The following TENM3 variants were observed in gnomAD, a reference collection of about 807,000 sequenced individuals.
TENM3 encodes the protein teneurin transmembrane protein 3, also known as teneurin-3.
TENM3 carries 63 observed loss-of-function variants against 255.1 expected under a neutral mutation model. That is an observed-to-expected ratio of 0.25 (90% confidence interval 0.20 to 0.30). The LOEUF is 0.30. Ranked by LOEUF, TENM3 falls within the 10% of genes least tolerant of loss-of-function variation. TENM3 has a pLI of 1.00. For synonymous variants in TENM3, 1,306 were observed against 1,322.3 expected, an observed-to-expected ratio of 0.99 and a Z score of 0.27; for missense variants, 2,929 against 3,461.1, an observed-to-expected ratio of 0.85 and a Z score of 3.86.
At chr4:182,443,240 A>G (rs1415642028) in intron 3 of TENM3, among the ~76,000 whole-genome samples, 1 of 152,064 alleles carries the variant, frequency 6.6e-6, no homozygotes, top group Non-Finnish European at 1.5e-5. Context: ...GAACCCCAAT[A>G]AGTTGCCAAG....
At chr4:182,718,911 A>G (rs151185197) in intron 13 of TENM3, among the ~76,000 whole-genome samples, 39 of 152,318 alleles carry the variant, frequency 2.6e-4, no homozygotes, top group African/African-American at 8.7e-4. Context: ...CGCCAGAGAT[A>G]ATTCTGTCTC....
chr4:182,741,189 T>G (rs79042902), intron 18 of TENM3, among the ~76,000 whole-genome samples: 8,451 of 152,178 alleles, frequency 0.056, 396 homozygotes, highest in Admixed American at 0.13. Flanking sequence ...AATAAATAAA[T>G]AAAAGAAAAT....
chr4:182,477,172 T>G (rs1733754715), intron 3 of TENM3, among the ~76,000 whole-genome samples: 1 of 152,230 alleles, frequency 6.6e-6, no homozygotes, highest in African/African-American at 2.4e-5. Flanking sequence ...TCCATTTTCT[T>G]CAAAATCTAC....
At chr4:182,575,710 C>G (rs1158711412) in intron 3 of TENM3, among the ~76,000 whole-genome samples, 3 of 152,108 alleles carry the variant, frequency 2.0e-5, no homozygotes, top group African/African-American at 7.2e-5. Context: ...AAAAGCACCA[C>G]TTTGGTATCA....
intron 3 of TENM3, among the ~76,000 whole-genome samples, chr4:182,584,893 C>T (rs965359421): frequency 3.3e-5 from 5 of 152,218 alleles, no homozygotes; most frequent in African/African-American, 9.6e-5. Flanking sequence ...CCACCCACCT[C>T]GGCCTCCCAA....
At chr4:181,457,654 G>A in the TENM3 span, among the ~76,000 whole-genome samples, 9 of 151,820 alleles carry the variant, frequency 5.9e-5, no homozygotes, top group African/African-American at 2.2e-4. Flanking sequence ...GGAAGACATG[G>A]TAGATAGTCT....
chr4:182,746,499 G>A (rs571020041), intron 19 of TENM3, among the ~76,000 whole-genome samples: 66 of 152,308 alleles, frequency 4.3e-4, no homozygotes, highest in South Asian at 1.9e-3. Flanking sequence ...GTAATCACGA[G>A]AGATACAGGC....
At chr4:182,582,956 A>G (rs1034954043) in intron 3 of TENM3, among the ~76,000 whole-genome samples, 59 of 152,342 alleles carry the variant, frequency 3.9e-4, no homozygotes, top group African/African-American at 1.3e-3. Context: ...CTAGGAGCAG[A>G]TAAGTAGCCT....
Position 182,800,455 on chromosome 4 carries a change from A to G in TENM3, c.*104A>G. On this transcript the variant is annotated 3_prime_UTR_variant, in exon 28 of 28. Coordinates refer to ENST00000511685, the MANE Select transcript of TENM3 (RefSeq NM_001080477.4). ...GCCCAAGAGCCTTCCTCCCGGGGGAATGAGACTGCTGTTACGACCCACACC... is the reference window on the plus strand; with the variant it reads ...GCCCAAGAGCCTTCCTCCCGGGGGAGTGAGACTGCTGTTACGACCCACACC... 3 of 1,360,690 alleles carry G rather than the reference A, an allele frequency of 2.2e-6. No homozygotes were observed. Among genetic ancestry groups the G allele is most frequent in the South Asian group, 2.9e-5 (2 of 68,792 alleles). 84.3% of individuals were successfully genotyped at this position (1,360,690 alleles called of 1,614,324 possible). A position where few individuals can be genotyped will look rare whatever the true frequency, so the allele number is the denominator to read the frequency against.
At chr4:181,706,647 G>GA in the TENM3 span, among the ~76,000 whole-genome samples, 3 of 151,862 alleles carry the variant, frequency 2.0e-5, no homozygotes, top group Non-Finnish European at 4.4e-5. Flanking sequence ...GATAAACTAG[G>GA]AAAAAAAACA....
chr4:182,438,529 G>GT (rs1388833193), intron 3 of TENM3, among the ~76,000 whole-genome samples: 17 of 151,520 alleles, frequency 1.1e-4, no homozygotes, highest in South Asian at 8.3e-4. Flanking sequence ...AAACTGACTT[G>GT]TTTTTTTTCC....
At chr4:182,588,621 C>G (rs1283536384) in intron 3 of TENM3, among the ~76,000 whole-genome samples, 11 of 152,070 alleles carry the variant, frequency 7.2e-5, no homozygotes, top group Admixed American at 6.5e-4. Flanking sequence ...TTTGCTTACT[C>G]TCTCAGGTAA....
intron 1 of TENM3, among the ~76,000 whole-genome samples, chr4:182,253,720 A>G (rs1758191911): frequency 1.3e-5 from 2 of 152,210 alleles, no homozygotes; most frequent in South Asian, 4.1e-4. Flanking sequence ...TTTAAATTGA[A>G]GCAAACTTTT....
the TENM3 span, among the ~76,000 whole-genome samples, chr4:181,470,633 G>A: frequency 6.6e-6 from 1 of 152,084 alleles, no homozygotes; most frequent in Non-Finnish European, 1.5e-5. Context: ...TATTTCCTCT[G>A]TTAAAAATCT....
the TENM3 span, among the ~76,000 whole-genome samples, chr4:181,759,721 C>T: frequency 2.3e-5 from 2 of 85,864 alleles, no homozygotes; most frequent in Admixed American, 1.4e-4. Flanking sequence ...ATGCAATCAA[C>T]AGATGTGTGT....
chr4:182,729,883 A>G (rs1168042984), intron 14 of TENM3, among the ~76,000 whole-genome samples: 1 of 152,218 alleles, frequency 6.6e-6, no homozygotes, highest in East Asian at 1.9e-4. Context: ...TGTGAGCACC[A>G]TATATATGAC....
the TENM3 span, among the ~76,000 whole-genome samples, chr4:182,025,732 T>C: frequency 2.6e-5 from 4 of 152,190 alleles, no homozygotes; most frequent in African/African-American, 9.6e-5. Flanking sequence ...TGGGGTAAAA[T>C]GATATCTCAT....
the TENM3 span, among the ~76,000 whole-genome samples, chr4:182,121,550 C>T: frequency 6.6e-6 from 1 of 152,180 alleles, no homozygotes; most frequent in African/African-American, 2.4e-5. Context: ...ACGTGAGTCA[C>T]ATGGTTTCTT....
chr4:181,577,168 ATATT>A, the TENM3 span, among the ~76,000 whole-genome samples: 1 of 131,948 alleles, frequency 7.6e-6, no homozygotes, highest in African/African-American at 2.8e-5. Flanking sequence ...TAAATAATAT[ATATT>A]ATATTATATT....
Sources: allele counts gnomAD v4.1 joint callset (sites outside exome capture counted in the v4.1 genomes callset), GRCh38; gene constraint gnomAD v4.1.1; transcripts MANE v1.5; gene names NCBI Gene and HGNC (gene_info 2026-07-23, HGNC 2026-07-21).